Variants in PCDHA4 observed in about 807,000 individuals in gnomAD.
PCDHA4 encodes protocadherin alpha 4.
Under a neutral mutation model 61.4 loss-of-function variants are expected in PCDHA4, and 49 were observed. The observed-to-expected ratio is 0.80, with a 90% confidence interval of 0.63 to 1.01. The LOEUF is 1.01. Ranked by LOEUF, PCDHA4 falls within the 50% of genes least tolerant of loss-of-function variation. The pLI, the probability that PCDHA4 is intolerant of heterozygous loss-of-function variation, is 0.00. For synonymous variants in PCDHA4, 590 were observed against 550.3 expected, an observed-to-expected ratio of 1.07 and a Z score of -1.01; for missense variants, 1,254 against 1,235.8, an observed-to-expected ratio of 1.01 and a Z score of -0.22.
At chr5:140,981,849 T>C (rs1460050544) in intron 2 of PCDHA4, among the ~76,000 whole-genome samples, 2 of 152,202 alleles carry the variant, frequency 1.3e-5, no homozygotes, top group African/African-American at 4.8e-5. Flanking sequence ...AGTTTGTATC[T>C]CACTCCCAGC....
chr5:140,997,380 C>T (rs1554255860), intron 3 of PCDHA4, among the ~76,000 whole-genome samples: 1 of 152,112 alleles, frequency 6.6e-6, no homozygotes. Flanking sequence ...ATATAGCATA[C>T]TACACACTTA....
intron 1 of PCDHA4, among the ~76,000 whole-genome samples, chr5:140,846,410 T>C (rs1476345835): frequency 7.2e-6 from 1 of 138,236 alleles, no homozygotes; most frequent in Non-Finnish European, 1.6e-5. Flanking sequence ...AGTCTCGCTC[T>C]ATCTCCCAGG....
chr5:140,834,196 A>T, intron 1 of PCDHA4: 1 of 595,792 alleles, frequency 1.7e-6, no homozygotes, highest in Non-Finnish European at 2.9e-6. Flanking sequence ...GTCGCTCTTT[A>T]CCGCAAATTC....
rs139450702 is a variant in PCDHA4 at position 140,830,109 on chromosome 5, G to A, written c.2385+20537G>A. The stretch of plus-strand genomic sequence containing the variant: ...GTTCTGGTGTCGCTGGTGGAGAGTG[G>A]CCAGGCTCCAAAGGCGTCATCACGG... On this transcript the variant is annotated intron_variant, in intron 1 of 3. Coordinates refer to ENST00000530339, the MANE Select transcript of PCDHA4 (RefSeq NM_018907.4). The A allele has an allele frequency of 4.0e-5, 65 of 1,613,456 alleles. No homozygotes were observed. The East Asian group carries it at 7.6e-4, about 19-fold the overall frequency.
In PCDHA4 at chr5:141,011,141, A is replaced by G. The variant is rs1039778930; in HGVS notation, c.*1204A>G. 3.9e-5 allele frequency: 6 copies of G among 153,668 alleles called. No homozygotes were observed. In the Admixed American group the frequency reaches 3.9e-4, roughly 10 times the overall value. The allele number at this position is 153,668 out of a possible 1,614,324, so 9.5% of individuals were successfully genotyped here. On this transcript the variant is annotated 3_prime_UTR_variant, in exon 4 of 4. Coordinates refer to ENST00000530339, the MANE Select transcript of PCDHA4 (RefSeq NM_018907.4). Reference sequence around the variant, plus strand: ...ACAATTATGTGCACTTTGATACACAACCTTCTCTAACCAACTATATATCAA... The same window carrying G: ...ACAATTATGTGCACTTTGATACACAGCCTTCTCTAACCAACTATATATCAA...
rs116104145 is a variant in PCDHA4, at chr5:140,901,150, A to G, written c.2386-77799A>G. Among the ~76,000 whole-genome samples, 839 of 152,012 alleles carry G rather than the reference A, an allele frequency of 5.5e-3. 12 individuals carry two copies. Among genetic ancestry groups the G allele is most frequent in the African/African-American group, 0.019 (783 of 41,484 alleles). On this transcript the variant is annotated intron_variant, in intron 1 of 3. Transcript: ENST00000530339. ...GGTAGATTGTAAATATTTTCTCTCA[A>G]TCTGTGGGTTGTCTCTTCACTTTGT...
intron 1 of PCDHA4, among the ~76,000 whole-genome samples, chr5:140,919,232 T>G (rs1178591658): frequency 3.9e-5 from 6 of 152,246 alleles, no homozygotes; most frequent in African/African-American, 1.4e-4. Flanking sequence ...CTAGTAACAC[T>G]TTTTGTCTTG....
intron 1 of PCDHA4, chr5:140,882,249 T>C (rs1412428548): frequency 6.3e-7 from 1 of 1,595,264 alleles, no homozygotes; most frequent in Non-Finnish European, 8.5e-7. Flanking sequence ...CAGATAGCTC[T>C]GAGGTTTTTG....
At chr5:140,829,864 G>A in intron 1 of PCDHA4, 3 of 1,613,940 alleles carry the variant, frequency 1.9e-6, no homozygotes, top group Non-Finnish European at 2.5e-6. Flanking sequence ...GCCAAGTGGT[G>A]GCGAAGGTGC....
intron 1 of PCDHA4, among the ~76,000 whole-genome samples, chr5:140,964,926 A>G (rs2095863338): frequency 6.6e-6 from 1 of 152,212 alleles, no homozygotes; most frequent in African/African-American, 2.4e-5. Flanking sequence ...CTGGCTAGGT[A>G]GTGGAGCATT....
intron 1 of PCDHA4, chr5:140,926,951 G>A: frequency 3.8e-6 from 6 of 1,596,266 alleles, no homozygotes; most frequent in South Asian, 1.1e-5. Context: ...GCTGCAGCGG[G>A]ACAGCTCGAG....
chr5:140,944,301 C>T (rs1320988632), intron 1 of PCDHA4, among the ~76,000 whole-genome samples: 1 of 152,176 alleles, frequency 6.6e-6, no homozygotes, highest in Non-Finnish European at 1.5e-5. Flanking sequence ...GATCCTCCTA[C>T]CTCAGCCTCC....
At chr5:140,883,162 C>A (rs782797002) in intron 1 of PCDHA4, 8 of 1,613,690 alleles carry the variant, frequency 5.0e-6, no homozygotes, top group Non-Finnish European at 5.1e-6. Context: ...TAAATCCGAA[C>A]AATGGAGAAA....
intron 2 of PCDHA4, 73 bp downstream of exon 2, chr5:140,979,080 A>T: frequency 1.3e-6 from 2 of 1,572,720 alleles, no homozygotes; most frequent in Non-Finnish European, 1.7e-6. Context: ...GCATCTCCAT[A>T]GGCCAGAAGC....
At chr5:140,949,234 A>C (rs2094354068) in intron 1 of PCDHA4, among the ~76,000 whole-genome samples, 1 of 151,820 alleles carries the variant, frequency 6.6e-6, no homozygotes, top group South Asian at 2.1e-4. Flanking sequence ...TCTGTGGCCC[A>C]GCAACAGTCT....
chr5:140,842,539 G>C lies in PCDHA4; in HGVS notation c.2385+32967G>C, dbSNP rs182995378. Reference sequence around the variant, plus strand: ...TGTCCACCTTCAAGAATTACTACTCGTTGGTGCTGGACAGCGCCCTGGACC... The same window carrying C: ...TGTCCACCTTCAAGAATTACTACTCCTTGGTGCTGGACAGCGCCCTGGACC... On this transcript the variant is annotated intron_variant, in intron 1 of 3. Coordinates refer to ENST00000530339, the MANE Select transcript of PCDHA4 (RefSeq NM_018907.4). 2.7e-5 allele frequency: 43 copies of C among 1,610,552 alleles called. 1 individual carries two copies. In the East Asian group the frequency reaches 8.7e-4, roughly 33 times the overall value.
rs201064172 is a variant in PCDHA4 at position 140,856,130 on chromosome 5, G to T, written c.2385+46558G>T. Reference sequence around the variant, plus strand: ...CCTCGCAGCCTGGGAGGTGGGGAGCGGCCAGCTCCACTACTCAGTCTACGA... The same window carrying T: ...CCTCGCAGCCTGGGAGGTGGGGAGCTGCCAGCTCCACTACTCAGTCTACGA... On this transcript the variant is annotated intron_variant, in intron 1 of 3. Coordinates refer to ENST00000530339, the MANE Select transcript of PCDHA4 (RefSeq NM_018907.4). 2.5e-4 allele frequency: 403 copies of T among 1,597,952 alleles called. 51 individuals carry two copies. Among genetic ancestry groups the T allele is most frequent in the Non-Finnish European group, 3.0e-4 (350 of 1,167,798 alleles).
Position 140,936,735 on chromosome 5 carries a change from A to G in PCDHA4, c.2386-42214A>G, listed in dbSNP as rs75635765. 5.4e-3 allele frequency among the ~76,000 whole-genome samples: 829 copies of G among 152,226 alleles called. 3 individuals carry two copies. The highest frequency in any genetic ancestry group is 0.019 in the African/African-American group (798 of 41,528). ...AATACATTCTGTGTTAAATATAGTA[A>G]CTTTTCATTTGTATTGATATCTAAT... On this transcript the variant is annotated intron_variant, in intron 1 of 3. Coordinates refer to ENST00000530339, the MANE Select transcript of PCDHA4 (RefSeq NM_018907.4).
chr5:140,836,843 ATAAT>A, intron 1 of PCDHA4: 1 of 826,772 alleles, frequency 1.2e-6, no homozygotes, highest in Non-Finnish European at 1.8e-6. Context: ...AGCTTTATGT[ATAAT>A]TATTATTTTT....
Sources: allele counts gnomAD v4.1 joint callset (sites outside exome capture counted in the v4.1 genomes callset), GRCh38; gene constraint gnomAD v4.1.1; transcripts MANE v1.5; gene names NCBI Gene and HGNC (gene_info 2026-07-23, HGNC 2026-07-21).